TUBB8B: variants seen among roughly 807,000 people sequenced by gnomAD.
TUBB8B encodes HSA18p11 beta-tubulin 4Q pseudogene.
In TUBB8B, 26 loss-of-function variants were observed where a neutral mutation model predicts 31.9. That is an observed-to-expected ratio of 0.81 (90% CI 0.60 to 1.13). The LOEUF is 1.13. Among genes scored for constraint, TUBB8B ranks in the 50% most tolerant of loss-of-function variants. The pLI is 0.00. For synonymous variants in TUBB8B, 173 were observed against 231.0 expected, an observed-to-expected ratio of 0.75 and a Z score of 2.28; for missense variants, 467 against 586.7, an observed-to-expected ratio of 0.80 and a Z score of 2.11.
the TUBB8B span, among the ~76,000 whole-genome samples, chr18:57,333 C>A: frequency 8.6e-5 from 13 of 151,628 alleles, 1 homozygote; most frequent in Non-Finnish European, 1.8e-4. Context: ...GGGGCATAGG[C>A]ATTGGGTAAA....
At chr18:59,138 A>C in the TUBB8B span, among the ~76,000 whole-genome samples, 1 of 151,870 alleles carries the variant, frequency 6.6e-6, no homozygotes, top group Non-Finnish European at 1.5e-5. Flanking sequence ...ATTGGGAATT[A>C]CATTTGGGAG....
chr18:66,904 T>G, the TUBB8B span, among the ~76,000 whole-genome samples: 35 of 152,348 alleles, frequency 2.3e-4, no homozygotes, highest in African/African-American at 8.2e-4. Context: ...TTCATGAATA[T>G]GAGGCATCTT....
Position 49,196 on chromosome 18 carries a change from A to G in TUBB8B, c.99T>C (p.Ala33=). The G allele has an allele frequency of 6.5e-7, 1 of 1,538,964 alleles. No homozygotes were observed. The highest frequency in any genetic ancestry group is 8.7e-7 in the Non-Finnish European group (1 of 1,148,502). Residue 33 remains alanine, a synonymous_variant, in exon 2 of 4, where the codon GCT becomes GCC. Coordinates refer to ENST00000308911, the MANE Select transcript of TUBB8B (RefSeq NM_001358689.2). ...GGTGGCTGTCCCCGTGGTAGGTGCC[A>G]GCGGAGTCGATGGCATGTTCATCAG... The part of the protein sequence containing the change: ...VISDEHAIDS[A]GTYHGDSHLQ...
chr18:63,606 T>G, the TUBB8B span, among the ~76,000 whole-genome samples: 28 of 150,364 alleles, frequency 1.9e-4, no homozygotes, highest in African/African-American at 6.5e-4. Context: ...CATATAACTT[T>G]ATTAAAAGCC....
upstream of TUBB8B, among the ~76,000 whole-genome samples, chr18:51,215 G>C (rs1906090323): frequency 6.6e-6 from 1 of 151,862 alleles, no homozygotes; most frequent in African/African-American, 2.4e-5. Context: ...CCTTGGGATG[G>C]TCAAGGGGCT....
At chr18:62,224 G>C in the TUBB8B span, among the ~76,000 whole-genome samples, 5 of 151,206 alleles carry the variant, frequency 3.3e-5, no homozygotes, top group African/African-American at 1.2e-4. Flanking sequence ...GAGTTCCATT[G>C]AATGTTATTT....
the TUBB8B span, among the ~76,000 whole-genome samples, chr18:59,032 C>T: frequency 1.3e-5 from 2 of 151,758 alleles, no homozygotes; most frequent in African/African-American, 4.8e-5. Flanking sequence ...AACTCACTCA[C>T]TATCATGAAG....
upstream of TUBB8B, among the ~76,000 whole-genome samples, chr18:54,087 C>T (rs1490628918): frequency 6.6e-6 from 1 of 151,516 alleles, no homozygotes; most frequent in Non-Finnish European, 1.5e-5. Context: ...CTCTTTTTTC[C>T]ACTTACAAAC....
At chr18:64,226 G>GC in the TUBB8B span, among the ~76,000 whole-genome samples, 1 of 152,030 alleles carries the variant, frequency 6.6e-6, no homozygotes, top group Admixed American at 6.6e-5. Context: ...GAACAGGTGT[G>GC]CATATTCATT....
chr18:71,442 G>A, the TUBB8B span, among the ~76,000 whole-genome samples: 1 of 151,604 alleles, frequency 6.6e-6, no homozygotes, highest in East Asian at 2.0e-4. Context: ...AGCTACTCAG[G>A]AGGCTGAGGT....
At chr18:65,194 A>G in the TUBB8B span, among the ~76,000 whole-genome samples, 2 of 152,010 alleles carry the variant, frequency 1.3e-5, no homozygotes, top group African/African-American at 4.8e-5. Context: ...CTAGCTACTC[A>G]GGTGGCTGAG....
chr18:62,299 G>C, the TUBB8B span, among the ~76,000 whole-genome samples: 1 of 151,486 alleles, frequency 6.6e-6, no homozygotes, highest in East Asian at 1.9e-4. Flanking sequence ...GTTCAGTTAA[G>C]TGCCTTGAGG....
At chr18:54,301 A>G (rs983599327), upstream of TUBB8B, among the ~76,000 whole-genome samples, 1 of 151,792 alleles carries the variant, frequency 6.6e-6, no homozygotes, top group African/African-American at 2.4e-5. Flanking sequence ...TACATGACAT[A>G]CTTTGATACA....
chr18:59,287 A>G, the TUBB8B span, among the ~76,000 whole-genome samples: 1 of 151,830 alleles, frequency 6.6e-6, no homozygotes, highest in African/African-American at 2.4e-5. Flanking sequence ...ATTGCTCCAG[A>G]TAGGAATTTC....
At chr18:54,763 C>T in the TUBB8B span, among the ~76,000 whole-genome samples, 1 of 151,974 alleles carries the variant, frequency 6.6e-6, no homozygotes, top group African/African-American at 2.4e-5. Flanking sequence ...ACCACATTTT[C>T]TCTATCCAGT....
At chr18:68,543 G>A in the TUBB8B span, among the ~76,000 whole-genome samples, 11 of 152,182 alleles carry the variant, frequency 7.2e-5, no homozygotes, top group African/African-American at 2.7e-4. Flanking sequence ...CTCCTGAGCA[G>A]ATGCAGACCC....
chr18:73,009 T>C, the TUBB8B span, among the ~76,000 whole-genome samples: 60 of 151,928 alleles, frequency 3.9e-4, no homozygotes, highest in African/African-American at 1.4e-3. Context: ...GATCCGGGGG[T>C]GCCTGTTTCC....
At chr18:66,995 T>G in the TUBB8B span, among the ~76,000 whole-genome samples, 13 of 140,420 alleles carry the variant, frequency 9.3e-5, no homozygotes, top group Admixed American at 2.1e-4. Flanking sequence ...TTGTTTTTTT[T>G]GTTTTTTTTT....
chr18:50,960 C>A (rs371063174), upstream of TUBB8B, among the ~76,000 whole-genome samples: 2 of 151,748 alleles, frequency 1.3e-5, no homozygotes, highest in Admixed American at 1.3e-4. Flanking sequence ...GGTCAGGAGT[C>A]CCCACCCATT....
Sources: gnomAD v4.1 joint callset for allele counts (sites outside exome capture counted in the v4.1 genomes callset) on GRCh38, gnomAD v4.1.1 for gene constraint, MANE v1.5 for transcripts, NCBI Gene and HGNC (gene_info 2026-07-23, HGNC 2026-07-21) for gene names.